The following CDH12 variants were observed in gnomAD, a reference collection of about 807,000 sequenced individuals.
CDH12 encodes the protein cadherin 12.
CDH12 carries 41 observed loss-of-function variants against 74.1 expected under a neutral mutation model. That is an observed-to-expected ratio of 0.55 (90% CI 0.43 to 0.72). The LOEUF (loss-of-function observed/expected upper bound fraction) is 0.72. CDH12 is among the 30% of genes least tolerant of loss of function. The pLI is 0.00. For missense variants in CDH12, 945 were observed against 977.2 expected (o/e 0.97, Z 0.44); for synonymous variants, 399 against 355.0 (o/e 1.12, Z -1.39).
chr5:22,087,041 AAAT>A (rs1475311441), intron 4 of CDH12, among the ~76,000 whole-genome samples: 1 of 152,148 alleles, frequency 6.6e-6, no homozygotes, highest in Non-Finnish European at 1.5e-5. Flanking sequence ...AAGTTGCTGA[AAAT>A]AAGAAAAATC....
intron 3 of CDH12, among the ~76,000 whole-genome samples, chr5:22,265,162 G>A (rs1030852288): frequency 6.6e-6 from 1 of 152,108 alleles, no homozygotes; most frequent in Non-Finnish European, 1.5e-5. Flanking sequence ...AAAATGCTAC[G>A]TTCAAATTAT....
intron 4 of CDH12, among the ~76,000 whole-genome samples, chr5:22,202,417 T>A (rs1750978383): frequency 6.6e-6 from 1 of 152,034 alleles, no homozygotes; most frequent in Admixed American, 6.6e-5. Context: ...ACTGAAAAAT[T>A]AGTTTCAGCT....
intron 1 of CDH12, among the ~76,000 whole-genome samples, chr5:22,750,276 C>T (rs1000147768): frequency 1.3e-5 from 2 of 152,050 alleles, no homozygotes; most frequent in African/African-American, 4.8e-5. Flanking sequence ...ACTGGGTTCG[C>T]ATGCTGTAGA....
chr5:22,281,280 C>A (rs1736869812), intron 3 of CDH12, among the ~76,000 whole-genome samples: 1 of 152,102 alleles, frequency 6.6e-6, no homozygotes, highest in South Asian at 2.1e-4. Flanking sequence ...ACTGAATGGG[C>A]AACACCTGGA....
chr5:21,906,328 T>A (rs190807047), intron 6 of CDH12, among the ~76,000 whole-genome samples: 2 of 152,194 alleles, frequency 1.3e-5, no homozygotes, highest in African/African-American at 4.8e-5. Flanking sequence ...TTAGTAAGAA[T>A]GAAATTTGCA....
chr5:22,455,331 T>C (rs1250943999), intron 2 of CDH12, among the ~76,000 whole-genome samples: 3 of 152,128 alleles, frequency 2.0e-5, no homozygotes, highest in African/African-American at 7.2e-5. Flanking sequence ...GAGAAATCAA[T>C]AGATAAATTT....
chr5:22,552,154 T>G (rs1401989314), intron 1 of CDH12, among the ~76,000 whole-genome samples: 1 of 152,220 alleles, frequency 6.6e-6, no homozygotes, highest in South Asian at 2.1e-4. Context: ...CCATAATAAT[T>G]TTATTATGTT....
In CDH12 at chr5:21,848,819, T is replaced by C. The variant is rs546407013; in HGVS notation, c.646+5852A>G. Among the ~76,000 whole-genome samples, 4 of 151,936 alleles carry C rather than the reference T, an allele frequency of 2.6e-5. No homozygotes were observed. The South Asian group carries it at 6.2e-4, about 24-fold the overall frequency. Reference sequence around the variant, plus strand: ...TCCCTTCAATCAGTCTAGTGTCCCATAGTAGCATCAGAGGATTATATACCA... The same window carrying C: ...TCCCTTCAATCAGTCTAGTGTCCCACAGTAGCATCAGAGGATTATATACCA... On this transcript the variant is annotated intron_variant, in intron 7 of 14. Transcript: ENST00000382254.
chr5:21,948,722 T>C (rs1273989890), intron 6 of CDH12, among the ~76,000 whole-genome samples: 1 of 152,138 alleles, frequency 6.6e-6, no homozygotes, highest in Non-Finnish European at 1.5e-5. Context: ...GGTGGAATGA[T>C]ATGGTTTGGC....
At chr5:22,383,761 C>T (rs1261369) in intron 3 of CDH12, among the ~76,000 whole-genome samples, 6,451 of 152,198 alleles carry the variant, frequency 0.042, 308 homozygotes, top group African/African-American at 0.11. Flanking sequence ...GAACTTTTCA[C>T]GTGAACATGA....
intron 4 of CDH12, chr5:22,151,932 A>G (rs1369151744): frequency 6.6e-6 from 1 of 151,918 alleles, no homozygotes; most frequent in Non-Finnish European, 1.5e-5. Flanking sequence ...TAAAGAGACC[A>G]CCTTCACTTG....
chr5:22,717,337 T>C lies in CDH12; in HGVS notation c.-523+135721A>G, dbSNP rs1295809073. 2.0e-5 allele frequency among the ~76,000 whole-genome samples: 3 copies of C among 152,202 alleles called. No homozygotes were observed. In the East Asian group the frequency reaches 5.8e-4, roughly 29 times the overall value. ...CCATGTGTTACAGTTGCCTGCAGTA[T>C]TTAGCACAGTAAAATCCTGCATAGA... On this transcript the variant is annotated intron_variant, in intron 1 of 14. Transcript: ENST00000382254.
At chr5:22,696,158 G>T (rs1742345579) in intron 1 of CDH12, among the ~76,000 whole-genome samples, 2 of 151,962 alleles carry the variant, frequency 1.3e-5, no homozygotes, top group African/African-American at 4.8e-5. Flanking sequence ...TGCAAGGTCA[G>T]GAGATCGAGA....
chr5:22,718,332 T>G (rs1743692100), intron 1 of CDH12, among the ~76,000 whole-genome samples: 3 of 152,138 alleles, frequency 2.0e-5, no homozygotes, highest in Admixed American at 1.3e-4. Context: ...CTCTAGTAAT[T>G]TATGAATGGT....
chr5:22,663,648 T>C (rs1254452308), intron 1 of CDH12, among the ~76,000 whole-genome samples: 1 of 152,190 alleles, frequency 6.6e-6, no homozygotes. Context: ...TACATTTTAA[T>C]AAACTTGGCT....
At chr5:22,554,657 T>C (rs145340749) in intron 1 of CDH12, among the ~76,000 whole-genome samples, 1 of 152,092 alleles carries the variant, frequency 6.6e-6, no homozygotes, top group Non-Finnish European at 1.5e-5. Context: ...TGTATCTTTG[T>C]CAGAGAAATT....
chr5:22,716,265 T>G (rs1303609377), intron 1 of CDH12, among the ~76,000 whole-genome samples: 1 of 152,072 alleles, frequency 6.6e-6, no homozygotes, highest in Admixed American at 6.6e-5. Context: ...CTTTACTGGA[T>G]GGTTGGTGAA....
At chr5:22,488,938 T>C (rs901077358) in intron 2 of CDH12, among the ~76,000 whole-genome samples, 5 of 151,914 alleles carry the variant, frequency 3.3e-5, no homozygotes, top group African/African-American at 1.2e-4. Flanking sequence ...ATGATAGTCA[T>C]TTCTATGCTT....
At chr5:22,191,562 T>TTTTTTTTTTC (rs1561205754) in intron 4 of CDH12, among the ~76,000 whole-genome samples, 11 of 73,190 alleles carry the variant, frequency 1.5e-4, no homozygotes, top group African/African-American at 6.2e-4. Flanking sequence ...GTCTTTTTAT[T>TTTTTTTTTTC]TTTATTTTTT....
Sources: allele counts gnomAD v4.1 joint callset (sites outside exome capture counted in the v4.1 genomes callset), GRCh38; gene constraint gnomAD v4.1.1; transcripts MANE v1.5; gene names NCBI Gene and HGNC (gene_info 2026-07-23, HGNC 2026-07-21).